Variants in NAA40 observed in about 807,000 individuals in gnomAD.
NAA40 encodes N-alpha-acetyltransferase 40, NatD catalytic subunit, also known as N-alpha-acetyltransferase 40.
A neutral mutation model predicts 36.6 loss-of-function variants in NAA40; 26 were observed. That is an observed-to-expected ratio of 0.71 (90% CI 0.52 to 0.98). The LOEUF is 0.98. Ranked by LOEUF, NAA40 falls within the 50% of genes least tolerant of loss-of-function variation. NAA40 has a pLI of 0.00. For missense variants in NAA40, 237 were observed against 306.5 expected, an observed-to-expected ratio of 0.77 and a Z score of 1.69; for synonymous variants, 129 against 108.4, an observed-to-expected ratio of 1.19 and a Z score of -1.18.
chr11:63,951,849 A>G (rs1464774483), intron 3 of NAA40, among the ~76,000 whole-genome samples: 1 of 152,236 alleles, frequency 6.6e-6, no homozygotes, highest in Non-Finnish European at 1.5e-5. Context: ...CAGCAACAGG[A>G]AAAATGCCTA....
intron 3 of NAA40, among the ~76,000 whole-genome samples, chr11:63,948,694 G>A (rs1326954169): frequency 6.6e-6 from 1 of 151,680 alleles, no homozygotes; most frequent in African/African-American, 2.4e-5. Context: ...CTCCAGCCTG[G>A]GCAACAGAGC....
chr11:63,940,600 T>C (rs1590748272), intron 1 of NAA40, among the ~76,000 whole-genome samples: 2 of 152,330 alleles, frequency 1.3e-5, no homozygotes, highest in Middle Eastern at 6.8e-3. Flanking sequence ...GTGGCTGTTA[T>C]TTTTGTCTGT....
chr11:63,952,620 G>A (rs952032208), intron 5 of NAA40, 55 bp downstream of exon 5: 32 of 1,607,560 alleles, frequency 2.0e-5, no homozygotes, highest in African/African-American at 2.7e-5. Flanking sequence ...GATGTTCCAG[G>A]CACTCCAGCC....
rs769442158 is a variant in NAA40, at chr11:63,954,464, T to C, written c.699T>C (p.Gly233=). 2 of 1,600,050 alleles carry C rather than the reference T, an allele frequency of 1.2e-6. No individual in the cohort carries two copies. The highest frequency in any genetic ancestry group is 1.7e-6 in the Non-Finnish European group (2 of 1,174,588). The change falls in exon 8 of 8, where the codon GGT becomes GGC. Residue 233 remains glycine, a synonymous_variant. Transcript: ENST00000377793. ...SHHSHAGGHC[G]GCCH ...ACTCCCACGCGGGTGGGCACTGTGG[T>C]GGCTGCTGCCACTGAACTCTCAGAG...
At chr11:63,947,653 C>T (rs994524271) in intron 3 of NAA40, among the ~76,000 whole-genome samples, 2 of 150,508 alleles carry the variant, frequency 1.3e-5, no homozygotes, top group African/African-American at 2.4e-5. Context: ...TGGGTTCAGC[C>T]GATTCTCCTG....
chr11:63,954,607 G>T lies in NAA40; in HGVS notation c.*128G>T. On this transcript the variant is annotated 3_prime_UTR_variant, in exon 8 of 8. Coordinates refer to ENST00000377793, the MANE Select transcript of NAA40 (RefSeq NM_024771.4). ...CCCTGCACGTGCCAGGCTGCGCCCT[G>T]AGAGCACAGAACCCTGGGGAGAAGT... is the stretch of plus-strand genomic sequence containing the variant. 1 of 1,065,934 alleles carries T rather than the reference G, an allele frequency of 9.4e-7. No individual in the cohort carries two copies. Among genetic ancestry groups the T allele is most frequent in the Admixed American group, 3.2e-5 (1 of 30,934 alleles). 66.0% of individuals were successfully genotyped at this position (1,065,934 alleles called of 1,614,324 possible). A position where few individuals can be genotyped will look rare whatever the true frequency, so the allele number is the denominator to read the frequency against.
chr11:63,950,341 A>G (rs1004721151), intron 3 of NAA40, among the ~76,000 whole-genome samples: 1 of 151,758 alleles, frequency 6.6e-6, no homozygotes, highest in Non-Finnish European at 1.5e-5. Flanking sequence ...CTGGTCCCGA[A>G]CTCCTGACCT....
Position 63,946,791 on chromosome 11 carries a change from C to T in NAA40, c.103-160C>T, listed in dbSNP as rs746299022. The stretch of plus-strand genomic sequence containing the variant: ...CTTCCTCGCACATGTGACTTCAGAG[C>T]TAGGCAAATGGTGGGTTTTGGGAGG... On this transcript the variant is annotated intron_variant, in intron 2 of 7. Transcript: ENST00000377793. The T allele has an allele frequency of 3.9e-6, 6 of 1,546,506 alleles. No homozygotes were observed. In the Admixed American group the frequency reaches 7.7e-5, roughly 20 times the overall value.
At chr11:63,945,097 C>G (rs1481968258) in intron 1 of NAA40, among the ~76,000 whole-genome samples, 2 of 152,152 alleles carry the variant, frequency 1.3e-5, no homozygotes, top group African/African-American at 4.8e-5. Flanking sequence ...ATTCGCTGCT[C>G]TATGCCAGGA....
chr11:63,940,051 T>C (rs1045643361), intron 1 of NAA40, among the ~76,000 whole-genome samples: 1 of 119,214 alleles, frequency 8.4e-6, no homozygotes, highest in African/African-American at 4.1e-5. Flanking sequence ...TTTTTTTTTT[T>C]TTTTTTTTTT....
rs1010531786 is a variant in NAA40, at chr11:63,952,583, G to C, written c.410+18G>C. 2 of 1,611,430 alleles carry C rather than the reference G, an allele frequency of 1.2e-6. No homozygotes were observed. Among genetic ancestry groups the C allele is most frequent in the Admixed American group, 1.7e-5 (1 of 59,970 alleles). On this transcript the variant is annotated intron_variant, in intron 5 of 7. Transcript: ENST00000377793. ...CTGTACTGGTAGGAGCCATGGCTTG[G>C]GGGAGGTAGGGGAGAGAGACCCTGG... is the stretch of plus-strand genomic sequence containing the variant.
Position 63,942,014 on chromosome 11 carries a change from G to C in NAA40, c.6+2912G>C, listed in dbSNP as rs930139392. Among the ~76,000 whole-genome samples, 5 of 152,218 alleles carry C rather than the reference G, an allele frequency of 3.3e-5. No individual in the cohort carries two copies. In the East Asian group the frequency reaches 9.6e-4, roughly 29 times the overall value. On this transcript the variant is annotated intron_variant, in intron 1 of 7. Coordinates refer to ENST00000377793, the MANE Select transcript of NAA40 (RefSeq NM_024771.4). ...CAAAAAATGCCATATACATGTGATT[G>C]TGACATGGTGGAAGGAGCATGACTT...
chr11:63,953,244 C>T (rs1210455989), intron 6 of NAA40, among the ~76,000 whole-genome samples: 4 of 152,104 alleles, frequency 2.6e-5, no homozygotes, highest in Non-Finnish European at 5.9e-5. Context: ...GACGGGGTTT[C>T]TCCATGTTAA....
intron 6 of NAA40, 34 bp downstream of exon 6, chr11:63,952,873 A>G: frequency 1.9e-6 from 3 of 1,586,380 alleles, no homozygotes; most frequent in Non-Finnish European, 2.6e-6. Context: ...CCCATATAGC[A>G]CTCAGTTGGA....
intron 6 of NAA40, among the ~76,000 whole-genome samples, chr11:63,953,403 A>T (rs1312747488): frequency 6.6e-6 from 1 of 152,138 alleles, no homozygotes; most frequent in East Asian, 1.9e-4. Flanking sequence ...TAATGGTGCT[A>T]CAGAGAGGAA....
chr11:63,945,305 G>A (rs937536619), intron 1 of NAA40, among the ~76,000 whole-genome samples: 14 of 152,280 alleles, frequency 9.2e-5, no homozygotes, highest in South Asian at 2.1e-4. Context: ...CCTTGAGTCC[G>A]AACACGGTGG....
intron 1 of NAA40, chr11:63,939,416 C>T (rs894065541): frequency 8.7e-7 from 1 of 1,153,138 alleles, no homozygotes; most frequent in African/African-American, 1.6e-5. Context: ...GGGTTAGCTT[C>T]CCGCTCCCCC....
chr11:63,939,035 G>A lies in NAA40; in HGVS notation c.-62G>A, dbSNP rs1411951246. 1.3e-6 allele frequency: 2 copies of A among 1,527,464 alleles called. No individual in the cohort carries two copies. The highest frequency in any genetic ancestry group is 2.6e-5 in the East Asian group (1 of 37,802). 94.6% of individuals were successfully genotyped at this position (1,527,464 alleles called of 1,614,324 possible). ...TGCTGCCGCCGCTGTTGCAGCCACC[G>A]CCGTTGCCGCCTCCCTGCCGGCAAG... On this transcript the variant is annotated 5_prime_UTR_variant, in exon 1 of 8. Transcript: ENST00000377793.
At position 63,954,552 on chromosome 11, in the gene NAA40, C is replaced by T. The variant is rs759783967; in HGVS notation, c.*73C>T. The T allele has an allele frequency of 2.5e-5, 38 of 1,490,732 alleles. No individual in the cohort carries two copies. The highest frequency in any genetic ancestry group is 1.8e-4 in the Middle Eastern group (1 of 5,618). The allele number at this position is 1,490,732 out of a possible 1,614,324, so 92.3% of individuals were successfully genotyped here. The stretch of plus-strand genomic sequence containing the variant: ...CCTCTTTCCTGGTCTCACTGTTCAC[C>T]GGGTGTCCTCAGAGCTGTGGCCTCC... On this transcript the variant is annotated 3_prime_UTR_variant, in exon 8 of 8. Transcript: ENST00000377793.
Sources: gnomAD v4.1 joint callset for allele counts (sites outside exome capture counted in the v4.1 genomes callset) on GRCh38, gnomAD v4.1.1 for gene constraint, MANE v1.5 for transcripts, NCBI Gene and HGNC (gene_info 2026-07-23, HGNC 2026-07-21) for gene names.